SLC31A1: variants seen among roughly 807,000 people sequenced by gnomAD.
SLC31A1 encodes the protein high affinity copper uptake protein 1.
In SLC31A1, 5 loss-of-function variants were observed where a neutral mutation model predicts 17.2. The ratio of observed to expected loss-of-function variants is 0.29; its 90% confidence interval spans 0.15 to 0.61. The LOEUF (loss-of-function observed/expected upper bound fraction) is 0.61. Ranked by LOEUF, SLC31A1 falls within the 20% of genes least tolerant of loss-of-function variation. SLC31A1 has a pLI of 0.86. For synonymous variants in SLC31A1, 76 were observed against 78.8 expected (o/e 0.96, Z 0.19); for missense variants, 161 against 241.4 (o/e 0.67, Z 2.21).
intron 1 of SLC31A1, among the ~76,000 whole-genome samples, chr9:113,234,953 G>T (rs140576940): frequency 1.3e-5 from 2 of 152,192 alleles, no homozygotes; most frequent in East Asian, 1.9e-4. Context: ...AAGGATGGCA[G>T]TGCCCCTTAG....
rs995362406 is a variant in SLC31A1 at position 113,221,930 on chromosome 9, C to T, written c.-36+252C>T. Reference sequence around the variant, plus strand: ...GCCATTTGTCCAGTTCTTCCATGTGCCTGCTGGTCCAGAAGATTTTAGAGC... The same window carrying T: ...GCCATTTGTCCAGTTCTTCCATGTGTCTGCTGGTCCAGAAGATTTTAGAGC... On this transcript the variant is annotated intron_variant, in intron 1 of 4. Transcript: ENST00000374212. 8.5e-5 allele frequency among the ~76,000 whole-genome samples: 13 copies of T among 152,338 alleles called. 2 individuals are homozygous for T. The Middle Eastern group carries it at 0.034, about 399-fold the overall frequency.
chr9:113,241,353 G>A (rs906202606), intron 1 of SLC31A1, among the ~76,000 whole-genome samples: 3 of 152,132 alleles, frequency 2.0e-5, no homozygotes, highest in East Asian at 1.9e-4. Context: ...TTGGAGTACC[G>A]GTTCATCAGC....
intron 1 of SLC31A1, among the ~76,000 whole-genome samples, chr9:113,244,155 CAAAAAAAA>C (rs1200835310): frequency 2.4e-5 from 1 of 41,308 alleles, no homozygotes; most frequent in Non-Finnish European, 4.5e-5. Flanking sequence ...AACTCCATCT[CAAAAAAAA>C]AAAAAAAAAA....
At chr9:113,254,351 C>T (rs1831695996) in intron 1 of SLC31A1, among the ~76,000 whole-genome samples, 1 of 152,166 alleles carries the variant, frequency 6.6e-6, no homozygotes, top group African/African-American at 2.4e-5. Context: ...TATCAGGAAC[C>T]TTGTCTTATT....
At chr9:113,230,208 T>A (rs532027475) in intron 1 of SLC31A1, among the ~76,000 whole-genome samples, 8 of 152,300 alleles carry the variant, frequency 5.3e-5, no homozygotes, top group African/African-American at 1.9e-4. Context: ...ATTACTAATC[T>A]TTTGGGGATT....
chr9:113,248,140 G>A (rs1270283986), intron 1 of SLC31A1, among the ~76,000 whole-genome samples: 2 of 152,158 alleles, frequency 1.3e-5, no homozygotes, highest in South Asian at 2.1e-4. Flanking sequence ...CCAACATGGC[G>A]AAACCCCGTT....
chr9:113,232,690 A>C (rs1831413950), intron 1 of SLC31A1, among the ~76,000 whole-genome samples: 1 of 151,410 alleles, frequency 6.6e-6, no homozygotes, highest in Non-Finnish European at 1.5e-5. Flanking sequence ...AAAAAAAAAA[A>C]AAAACTAGTC....
chr9:113,256,406 C>A, intron 2 of SLC31A1, 129 bp downstream of exon 2: 4 of 1,050,064 alleles, frequency 3.8e-6, no homozygotes, highest in Non-Finnish European at 5.5e-6. Context: ...CTAAAGCAGA[C>A]CCAAGCAAGT....
intron 1 of SLC31A1, among the ~76,000 whole-genome samples, chr9:113,234,326 A>T (rs1418945491): frequency 6.6e-6 from 1 of 151,258 alleles, no homozygotes; most frequent in East Asian, 1.9e-4. Flanking sequence ...ATAGGCACCT[A>T]CCGCTACGTC....
At chr9:113,225,460 A>T (rs1831329734) in intron 1 of SLC31A1, among the ~76,000 whole-genome samples, 1 of 152,234 alleles carries the variant, frequency 6.6e-6, no homozygotes, top group Admixed American at 6.5e-5. Flanking sequence ...ACATTTCCCT[A>T]GCTCCATTCC....
chr9:113,231,223 A>C (rs1029459688), intron 1 of SLC31A1, among the ~76,000 whole-genome samples: 1 of 152,148 alleles, frequency 6.6e-6, no homozygotes, highest in Non-Finnish European at 1.5e-5. Context: ...GTAAATGCGC[A>C]CACACACCTA....
At chr9:113,237,719 T>A (rs1057211060) in intron 1 of SLC31A1, among the ~76,000 whole-genome samples, 1 of 152,210 alleles carries the variant, frequency 6.6e-6, no homozygotes, top group African/African-American at 2.4e-5. Context: ...TCTTGTTTAA[T>A]CTAGGCCTAT....
chr9:113,241,126 G>A (rs1014747377), intron 1 of SLC31A1, among the ~76,000 whole-genome samples: 2 of 151,982 alleles, frequency 1.3e-5, no homozygotes, highest in Non-Finnish European at 2.9e-5. Context: ...GTGAAGCGGA[G>A]TAGATTGAGA....
At chr9:113,256,407 C>A in intron 2 of SLC31A1, 130 bp downstream of exon 2, 1 of 1,031,574 alleles carries the variant, frequency 9.7e-7, no homozygotes, top group Non-Finnish European at 1.4e-6. Context: ...TAAAGCAGAC[C>A]CAAGCAAGTC....
chr9:113,252,954 CTT>C (rs369221979), intron 1 of SLC31A1, among the ~76,000 whole-genome samples: 3,147 of 105,478 alleles, frequency 0.03, 60 homozygotes, highest in African/African-American at 0.092. Context: ...TTCTTTTTTT[CTT>C]TTTTTTTTTT....
At chr9:113,223,185 T>C (rs1161777139) in intron 1 of SLC31A1, 2 of 435,464 alleles carry the variant, frequency 4.6e-6, no homozygotes, top group South Asian at 1.7e-5. Flanking sequence ...ATCAATAGCC[T>C]TTTTGGTGAT....
intron 1 of SLC31A1, among the ~76,000 whole-genome samples, chr9:113,245,622 C>A (rs930997997): frequency 1.3e-5 from 2 of 152,014 alleles, no homozygotes; most frequent in Non-Finnish European, 2.9e-5. Flanking sequence ...ACTATTTTGG[C>A]CTAGAATGCC....
At chr9:113,254,791 C>A (rs146920219) in intron 1 of SLC31A1, among the ~76,000 whole-genome samples, 1 of 152,020 alleles carries the variant, frequency 6.6e-6, no homozygotes, top group Non-Finnish European at 1.5e-5. Flanking sequence ...CCCAGCTACT[C>A]GGCAAGCTGA....
chr9:113,225,867 C>T (rs758188794), intron 1 of SLC31A1, among the ~76,000 whole-genome samples: 4 of 152,066 alleles, frequency 2.6e-5, no homozygotes, highest in Admixed American at 6.6e-5. Context: ...GCAAAGTGTT[C>T]GGCCAGGTGT....
Sources: allele counts gnomAD v4.1 joint callset (sites outside exome capture counted in the v4.1 genomes callset), GRCh38; gene constraint gnomAD v4.1.1; transcripts MANE v1.5; gene names NCBI Gene and HGNC (gene_info 2026-07-23, HGNC 2026-07-21).